The following ABCB5 variants were observed in gnomAD, a reference collection of about 807,000 sequenced individuals.
ABCB5 encodes ATP binding cassette subfamily B member 5.
Under a neutral mutation model 144.2 loss-of-function variants are expected in ABCB5, and 155 were observed. The ratio of observed to expected loss-of-function variants is 1.08; its 90% CI spans 0.94 to 1.23. The LOEUF is 1.23. Among genes scored for constraint, ABCB5 ranks in the 50% most tolerant of loss-of-function variants. The probability of loss-of-function intolerance (pLI) is 0.00; values close to 1 mark genes in which losing one functional copy is unlikely to be tolerated. For synonymous variants in ABCB5, 610 were observed against 528.6 expected, an observed-to-expected ratio of 1.15 and a Z score of -2.11; for missense variants, 1,830 against 1,520.8, an observed-to-expected ratio of 1.20 and a Z score of -3.38.
At position 20,650,249 on chromosome 7, in the gene ABCB5, G is replaced by T. The variant is rs573372191; in HGVS notation, c.1332+102G>T. 90 of 1,418,930 alleles carry T rather than the reference G, an allele frequency of 6.3e-5. No homozygotes were observed. In the African/African-American group the frequency reaches 1.2e-3, roughly 19 times the overall value. 87.9% of individuals were successfully genotyped at this position (1,418,930 alleles called of 1,614,324 possible). A position where few individuals can be genotyped will look rare whatever the true frequency, so the allele number is the denominator to read the frequency against. On this transcript the variant is annotated intron_variant, in intron 12 of 27. Transcript: ENST00000404938. The stretch of plus-strand genomic sequence containing the variant: ...CTTTTCATTTTCAACAGTAGAGCTG[G>T]GAGAGAAGCCATATTGTTTTCTTTC...
intron 23 of ABCB5, among the ~76,000 whole-genome samples, chr7:20,734,256 A>G (rs184063466): frequency 6.6e-6 from 1 of 151,968 alleles, no homozygotes; most frequent in East Asian, 1.9e-4. Flanking sequence ...GACAGCTTTC[A>G]ATCTCATCGA....
chr7:20,726,273 T>G lies in ABCB5; in HGVS notation c.2626-767T>G, dbSNP rs1472288810. Reference sequence around the variant, plus strand: ...ATAACCACATGCCATGTTACTTTCCTGTAATGTTCCTGAGTCCTTTTAAGT... The same window carrying G: ...ATAACCACATGCCATGTTACTTTCCGGTAATGTTCCTGAGTCCTTTTAAGT... On this transcript the variant is annotated intron_variant, in intron 21 of 27. Transcript: ENST00000404938. Among the ~76,000 whole-genome samples the G allele has an allele frequency of 2.0e-5, 3 of 152,162 alleles. No individual in the cohort carries two copies. In the East Asian group the frequency reaches 5.8e-4, roughly 29 times the overall value.
intron 21 of ABCB5, among the ~76,000 whole-genome samples, chr7:20,724,454 C>T (rs1000072924): frequency 2.6e-5 from 4 of 151,670 alleles, no homozygotes; most frequent in Admixed American, 1.3e-4. Flanking sequence ...ATAATGAAAC[C>T]CCATCTCTAC....
chr7:20,754,092 A>G (rs141839479), intron 27 of ABCB5, among the ~76,000 whole-genome samples: 8 of 152,358 alleles, frequency 5.3e-5, no homozygotes, highest in African/African-American at 1.9e-4. Flanking sequence ...GGTTAAATGA[A>G]TGGTTATCAT....
At position 20,698,391 on chromosome 7, in the gene ABCB5, C is replaced by T; in HGVS notation, c.2011-16C>T. On this transcript the variant is annotated splice_polypyrimidine_tract_variant and intron_variant, in intron 16 of 27. Transcript: ENST00000404938. ...CACACAAACTGGCATTTTTAACCAA[C>T]ATATTTTATTTTTAGATAAGTCTTC... The T allele has an allele frequency of 6.4e-7, 1 of 1,553,226 alleles. No homozygotes were observed.
chr7:20,674,006 T>C (rs537004123), intron 14 of ABCB5, among the ~76,000 whole-genome samples: 200 of 152,098 alleles, frequency 1.3e-3, no homozygotes, highest in African/African-American at 4.6e-3. Context: ...AGTGATATTA[T>C]ATTATTTCAT....
At chr7:20,702,256 T>C (rs116063238) in intron 19 of ABCB5, among the ~76,000 whole-genome samples, 1,961 of 152,332 alleles carry the variant, frequency 0.013, 49 homozygotes, top group African/African-American at 0.045. Context: ...ATAGAGCTAT[T>C]GAGTTTTTGA....
At chr7:20,654,617 C>A (rs899083844) in intron 13 of ABCB5, among the ~76,000 whole-genome samples, 2 of 152,166 alleles carry the variant, frequency 1.3e-5, no homozygotes, top group East Asian at 3.8e-4. Flanking sequence ...CAAAACAAAA[C>A]TGTAGCTCTT....
intron 23 of ABCB5, 64 bp downstream of exon 23, chr7:20,728,519 T>A (rs1782110988): frequency 5.1e-6 from 8 of 1,554,216 alleles, no homozygotes; most frequent in Non-Finnish European, 5.2e-6. Flanking sequence ...TTTGAGAGGC[T>A]GAGGCGGGTG....
chr7:20,663,518 A>T (rs987925921), intron 14 of ABCB5, among the ~76,000 whole-genome samples: 4 of 152,140 alleles, frequency 2.6e-5, no homozygotes, highest in African/African-American at 9.7e-5. Flanking sequence ...TTCTGCTCAC[A>T]TGAGATACAT....
chr7:20,651,570 G>A lies in ABCB5; in HGVS notation c.1483G>A (p.Glu495Lys). Residue 495 changes from glutamate (E) to lysine (K), a missense_variant, in exon 13 of 28, where the codon GAG (glutamate) becomes AAG (lysine). Glu to Lys is a moderately conservative substitution (Grantham distance 56). Coordinates refer to ENST00000404938, the MANE Select transcript of ABCB5 (RefSeq NM_001163941.2). Reference sequence around the variant, plus strand: ...AGATGATGTGACTGATGAAGAGATGGAGAGAGCAGCAAGGGAAGCAAATGC... The same window carrying A: ...AGATGATGTGACTGATGAAGAGATGAAGAGAGCAGCAAGGGAAGCAAATGC... ...GRDDVTDEEM[E>K]RAAREANAYD... The A allele has an allele frequency of 6.2e-7, 1 of 1,614,114 alleles. No homozygotes were observed. Among genetic ancestry groups the A allele is most frequent in the Non-Finnish European group, 8.5e-7 (1 of 1,180,002 alleles).
chr7:20,722,302 T>C (rs78564853), intron 20 of ABCB5, among the ~76,000 whole-genome samples: 1,706 of 152,300 alleles, frequency 0.011, 32 homozygotes, highest in African/African-American at 0.039. Context: ...TATGTACCTA[T>C]CATTGAGAAG....
At chr7:20,752,950 A>C (rs1311233900) in intron 26 of ABCB5, among the ~76,000 whole-genome samples, 1 of 152,234 alleles carries the variant, frequency 6.6e-6, no homozygotes, top group Admixed American at 6.5e-5. Context: ...GCTCAGCAAG[A>C]GCCAAAGTGA....
chr7:20,651,034 G>C (rs1339445196), intron 12 of ABCB5, among the ~76,000 whole-genome samples: 1 of 152,196 alleles, frequency 6.6e-6, no homozygotes, highest in Admixed American at 6.5e-5. Flanking sequence ...AGAGGTGTGA[G>C]ATGTTGAAAT....
chr7:20,626,007 G>A (rs1783900490), intron 2 of ABCB5, among the ~76,000 whole-genome samples: 1 of 152,182 alleles, frequency 6.6e-6, no homozygotes, highest in Non-Finnish European at 1.5e-5. Flanking sequence ...AAGACTTTAT[G>A]CTAAGTGAAT....
At chr7:20,658,459 G>A in intron 13 of ABCB5, 47 bp from the exon 14 acceptor site, 1 of 1,582,998 alleles carries the variant, frequency 6.3e-7, no homozygotes, top group Non-Finnish European at 8.6e-7. Context: ...CTAACCATTT[G>A]ATCACGCTGC....
chr7:20,746,036 T>A (rs1163459577), intron 26 of ABCB5, among the ~76,000 whole-genome samples: 1 of 152,162 alleles, frequency 6.6e-6, no homozygotes, highest in Non-Finnish European at 1.5e-5. Context: ...CCTTAGGACA[T>A]TTGCGTTTGC....
intron 20 of ABCB5, among the ~76,000 whole-genome samples, chr7:20,715,335 C>T (rs1283675484): frequency 6.6e-6 from 1 of 152,050 alleles, no homozygotes; most frequent in Non-Finnish European, 1.5e-5. Context: ...TGTGAGCCGC[C>T]GCGCATGGCC....
At position 20,705,791 on chromosome 7, in the gene ABCB5, A is replaced by G. The variant is rs1583438363; in HGVS notation, c.2421+984A>G. 3.3e-5 allele frequency among the ~76,000 whole-genome samples: 5 copies of G among 150,532 alleles called. No homozygotes were observed. In the South Asian group the frequency reaches 1.0e-3, roughly 31 times the overall value. The stretch of plus-strand genomic sequence containing the variant: ...AGAGATTATTTCCACAGGATATGGC[A>G]ACCGTTCTAAGTTGTTTTTTTTTTT... On this transcript the variant is annotated intron_variant, in intron 20 of 27. Transcript: ENST00000404938.
Sources: gnomAD v4.1 joint callset for allele counts (sites outside exome capture counted in the v4.1 genomes callset) on GRCh38, gnomAD v4.1.1 for gene constraint, MANE v1.5 for transcripts, NCBI Gene and HGNC (gene_info 2026-07-23, HGNC 2026-07-21) for gene names.